Variants in DACH1 observed in about 807,000 individuals in gnomAD.
The protein encoded by DACH1 is dachshund homolog 1.
In DACH1, 12 loss-of-function variants were observed where a neutral mutation model predicts 54.2. The observed-to-expected ratio is 0.22, with a 90% CI of 0.14 to 0.36. The LOEUF is 0.36. Ranked by LOEUF, DACH1 falls within the 10% of genes least tolerant of loss-of-function variation. The probability of loss-of-function intolerance (pLI) is 1.00; values close to 1 mark genes in which losing one functional copy is unlikely to be tolerated. For synonymous variants in DACH1, 386 were observed against 366.2 expected, an observed-to-expected ratio of 1.05 and a Z score of -0.62; for missense variants, 805 against 929.8, an observed-to-expected ratio of 0.87 and a Z score of 1.75.
At chr13:71,753,683 A>C (rs1885018857) in intron 1 of DACH1, among the ~76,000 whole-genome samples, 1 of 152,318 alleles carries the variant, frequency 6.6e-6, no homozygotes, top group African/African-American at 2.4e-5. Flanking sequence ...GTGGAAGAGC[A>C]CTTTAGAACT....
intron 1 of DACH1, among the ~76,000 whole-genome samples, chr13:71,756,085 C>T (rs765840028): frequency 2.0e-5 from 3 of 151,890 alleles, no homozygotes; most frequent in South Asian, 2.1e-4. Flanking sequence ...GACAGGAGTG[C>T]GGTAGCCCGA....
At position 71,708,215 on chromosome 13, in the gene DACH1, T is replaced by C. The variant is rs947972021; in HGVS notation, c.849-26305A>G. Among the ~76,000 whole-genome samples the C allele has an allele frequency of 3.3e-5, 5 of 151,926 alleles. No homozygotes were observed. In the South Asian group the frequency reaches 8.3e-4, roughly 25 times the overall value. On this transcript the variant is annotated intron_variant, in intron 1 of 10. Coordinates refer to ENST00000613252, the MANE Select transcript of DACH1 (RefSeq NM_080759.6). ...CATGGCTTATTCCTGTGCCTCGATC[T>C]ATAACAACAAAGCAATCAACAAGCA...
chr13:71,737,655 A>G (rs1005632951), intron 1 of DACH1, among the ~76,000 whole-genome samples: 2 of 152,192 alleles, frequency 1.3e-5, no homozygotes, highest in Admixed American at 1.3e-4. Context: ...TTGTTGATGT[A>G]TAGTTTGGCT....
intron 1 of DACH1, among the ~76,000 whole-genome samples, chr13:71,705,791 T>A (rs1440093302): frequency 1.3e-5 from 2 of 152,026 alleles, no homozygotes; most frequent in East Asian, 3.9e-4. Context: ...AAGTCTTATC[T>A]CTTCTGAGCA....
chr13:71,800,233 A>C (rs1887236724), intron 1 of DACH1, among the ~76,000 whole-genome samples: 2 of 152,146 alleles, frequency 1.3e-5, no homozygotes, highest in Non-Finnish European at 2.9e-5. Flanking sequence ...TAAGAACAAC[A>C]TCTGAGAAAG....
chr13:71,833,459 C>T (rs1286252996), intron 1 of DACH1, among the ~76,000 whole-genome samples: 9 of 152,076 alleles, frequency 5.9e-5, no homozygotes, highest in Non-Finnish European at 8.8e-5. Flanking sequence ...TGGAAAACAA[C>T]GATGTTGATA....
intron 6 of DACH1, among the ~76,000 whole-genome samples, chr13:71,542,728 A>C (rs949438160): frequency 7.2e-5 from 11 of 152,128 alleles, no homozygotes; most frequent in African/African-American, 1.9e-4. Flanking sequence ...GAAAATATAT[A>C]AACTCTAATC....
Position 71,440,701 on chromosome 13 carries a change from G to T in DACH1, c.2084-9C>A. 1 of 1,595,768 alleles carries T rather than the reference G, an allele frequency of 6.3e-7. No homozygotes were observed. Among genetic ancestry groups the T allele is most frequent in the South Asian group, 1.1e-5 (1 of 88,226 alleles). On this transcript the variant is annotated splice_polypyrimidine_tract_variant and intron_variant, in intron 10 of 10. Coordinates refer to ENST00000613252, the MANE Select transcript of DACH1 (RefSeq NM_080759.6). ...CAAATACAGTCTTCCATCTAGAAAT[G>T]AACAGTGAAAAATTAATTAATGGCA...
At chr13:71,510,584 A>G (rs1880702776) in intron 6 of DACH1, among the ~76,000 whole-genome samples, 1 of 152,090 alleles carries the variant, frequency 6.6e-6, no homozygotes, top group African/African-American at 2.4e-5. Flanking sequence ...GTGTGCAACT[A>G]TGAGAAACAT....
At chr13:71,821,644 A>G (rs1198393034) in intron 1 of DACH1, among the ~76,000 whole-genome samples, 1 of 152,158 alleles carries the variant, frequency 6.6e-6, no homozygotes, top group East Asian at 1.9e-4. Context: ...GTACAGTTCT[A>G]TTTTTTAAGT....
At chr13:71,763,466 C>G (rs923250536) in intron 1 of DACH1, among the ~76,000 whole-genome samples, 5 of 152,096 alleles carry the variant, frequency 3.3e-5, no homozygotes, top group African/African-American at 9.7e-5. Context: ...GCTAAGAGAT[C>G]AGACTGTGTT....
intron 3 of DACH1, among the ~76,000 whole-genome samples, chr13:71,624,145 C>T (rs1226554087): frequency 6.6e-6 from 1 of 151,500 alleles, no homozygotes; most frequent in African/African-American, 2.4e-5. Context: ...CATTTTTTGT[C>T]TTTTATTATT....
intron 1 of DACH1, among the ~76,000 whole-genome samples, chr13:71,820,612 G>T (rs1888149120): frequency 6.6e-6 from 1 of 152,036 alleles, no homozygotes; most frequent in Non-Finnish European, 1.5e-5. Flanking sequence ...TTCGGTATAT[G>T]TCAAATTAAA....
chr13:71,584,422 A>T (rs1048827913), intron 3 of DACH1, among the ~76,000 whole-genome samples: 25 of 152,180 alleles, frequency 1.6e-4, no homozygotes, highest in African/African-American at 6.0e-4. Context: ...CACAAGAAAC[A>T]TAATTGTGTT....
intron 1 of DACH1, among the ~76,000 whole-genome samples, chr13:71,816,568 GTATATATATACACGTA>G (rs1431214116): frequency 7.0e-6 from 1 of 143,206 alleles, no homozygotes; most frequent in Admixed American, 7.1e-5. Context: ...ATATATGTGT[GTATATATATACACGTA>G]TATATATACA....
At chr13:71,471,153 A>G (rs1196356536) in intron 10 of DACH1, among the ~76,000 whole-genome samples, 1 of 152,160 alleles carries the variant, frequency 6.6e-6, no homozygotes, top group Non-Finnish European at 1.5e-5. Context: ...ATGGGAGCAC[A>G]GAGATTGGAG....
chr13:71,549,676 T>A lies in DACH1; in HGVS notation c.1570+7348A>T, dbSNP rs1593874561. Among the ~76,000 whole-genome samples, 7 of 152,174 alleles carry A rather than the reference T, an allele frequency of 4.6e-5. No homozygotes were observed. The South Asian group carries it at 1.2e-3, about 27-fold the overall frequency. ...CTATTTTTAAATATAATATTCATAT[T>A]GCTTGTATGATAAATTCCTGGGAAA... On this transcript the variant is annotated intron_variant, in intron 6 of 10. Transcript: ENST00000613252.
At chr13:71,528,027 GAT>G (rs1882129167) in intron 6 of DACH1, among the ~76,000 whole-genome samples, 1 of 152,026 alleles carries the variant, frequency 6.6e-6, no homozygotes, top group Non-Finnish European at 1.5e-5. Flanking sequence ...TGCAAATGTA[GAT>G]ATGTTTGTCC....
At chr13:71,764,843 T>C (rs551861820) in intron 1 of DACH1, among the ~76,000 whole-genome samples, 1 of 152,364 alleles carries the variant, frequency 6.6e-6, no homozygotes, top group Admixed American at 6.5e-5. Flanking sequence ...TGTTTACATC[T>C]TGAAATATAC....
Sources: allele counts gnomAD v4.1 joint callset (sites outside exome capture counted in the v4.1 genomes callset), GRCh38; gene constraint gnomAD v4.1.1; transcripts MANE v1.5; gene names NCBI Gene and HGNC (gene_info 2026-07-23, HGNC 2026-07-21).